The following LRMDA variants were observed in gnomAD, a reference collection of about 807,000 sequenced individuals.
The protein encoded by LRMDA is leucine rich melanocyte differentiation associated, also known as leucine-rich melanocyte differentiation-associated protein.
LRMDA carries 18 observed loss-of-function variants against 29.8 expected under a neutral mutation model. The observed-to-expected ratio is 0.60, with a 90% CI of 0.42 to 0.90. The LOEUF is 0.90. Ranked by LOEUF, LRMDA falls within the 40% of genes least tolerant of loss-of-function variation. The pLI is 0.00. For synonymous variants in LRMDA, 125 were observed against 109.4 expected, an observed-to-expected ratio of 1.14 and a Z score of -0.89; for missense variants, 273 against 273.9, an observed-to-expected ratio of 1.00 and a Z score of 0.02.
At chr10:75,645,157 A>G (rs1306656421) in intron 2 of LRMDA, among the ~76,000 whole-genome samples, 2 of 151,850 alleles carry the variant, frequency 1.3e-5, no homozygotes, top group African/African-American at 4.9e-5. Context: ...TAATTTTTGT[A>G]TCTTTAGTGG....
At chr10:75,735,575 A>C (rs961883486) in intron 2 of LRMDA, among the ~76,000 whole-genome samples, 1 of 152,200 alleles carries the variant, frequency 6.6e-6, no homozygotes, top group African/African-American at 2.4e-5. Context: ...CTACCTAGCC[A>C]TGCTGGAGGC....
chr10:75,799,229 T>C (rs1302534743), intron 2 of LRMDA, among the ~76,000 whole-genome samples: 2 of 152,236 alleles, frequency 1.3e-5, no homozygotes, highest in African/African-American at 4.8e-5. Context: ...GTGTCATCTG[T>C]TTTCAAACTT....
At chr10:75,529,440 G>T (rs1845451046) in intron 2 of LRMDA, among the ~76,000 whole-genome samples, 1 of 152,212 alleles carries the variant, frequency 6.6e-6, no homozygotes, top group Non-Finnish European at 1.5e-5. Flanking sequence ...ACCATCTTAG[G>T]TAACTACTGG....
At chr10:76,401,225 A>T (rs1213043728) in intron 6 of LRMDA, among the ~76,000 whole-genome samples, 4 of 152,252 alleles carry the variant, frequency 2.6e-5, no homozygotes, top group Admixed American at 1.3e-4. Flanking sequence ...CCAGTGACTC[A>T]ATGGATGGTA....
chr10:76,512,509 C>T (rs754754923), intron 6 of LRMDA, among the ~76,000 whole-genome samples: 1 of 152,130 alleles, frequency 6.6e-6, no homozygotes, highest in African/African-American at 2.4e-5. Flanking sequence ...GATGATGAGG[C>T]AACAGAATAT....
At chr10:76,060,915 A>G (rs1848692372) in intron 5 of LRMDA, among the ~76,000 whole-genome samples, 1 of 152,236 alleles carries the variant, frequency 6.6e-6, no homozygotes, top group Non-Finnish European at 1.5e-5. Context: ...AGCTTTAAAA[A>G]GCCTGTTAAG....
At chr10:76,551,710 T>C (rs1843497516) in intron 6 of LRMDA, among the ~76,000 whole-genome samples, 1 of 152,110 alleles carries the variant, frequency 6.6e-6, no homozygotes, top group Non-Finnish European at 1.5e-5. Context: ...TGTTAGAAAT[T>C]GGGGAGGAGG....
chr10:76,501,795 C>T (rs1399460542), intron 6 of LRMDA, among the ~76,000 whole-genome samples: 1 of 151,772 alleles, frequency 6.6e-6, no homozygotes, highest in Admixed American at 6.6e-5. Flanking sequence ...ATATCTGCTC[C>T]CATTCTTTAG....
rs189372603 is a variant in LRMDA at position 76,276,606 on chromosome 10, G to A, written c.517-47795G>A. Among the ~76,000 whole-genome samples, 467 of 152,088 alleles carry A rather than the reference G, an allele frequency of 3.1e-3. 2 individuals are homozygous for A. Among genetic ancestry groups the A allele is most frequent in the Non-Finnish European group, 4.1e-3 (277 of 67,998 alleles). ...GCAGCTATAATAGGTGCTTTGATGTGTTTATTTGCTAATTCCAACATCTGA... is the reference window on the plus strand; with the variant it reads ...GCAGCTATAATAGGTGCTTTGATGTATTTATTTGCTAATTCCAACATCTGA... On this transcript the variant is annotated intron_variant, in intron 5 of 6. Coordinates refer to ENST00000611255, the MANE Select transcript of LRMDA (RefSeq NM_001305581.2).
At chr10:75,487,127 G>C (rs1844925156) in intron 2 of LRMDA, among the ~76,000 whole-genome samples, 1 of 152,196 alleles carries the variant, frequency 6.6e-6, no homozygotes, top group Non-Finnish European at 1.5e-5. Context: ...TGGTTGGTAG[G>C]AAGTGAAGGT....
chr10:75,733,441 G>A (rs1278582621), intron 2 of LRMDA, among the ~76,000 whole-genome samples: 1 of 152,210 alleles, frequency 6.6e-6, no homozygotes, highest in Non-Finnish European at 1.5e-5. Context: ...TCTGCAAAAG[G>A]TAAACTGTTC....
chr10:76,020,181 G>A (rs1229212418), intron 2 of LRMDA, among the ~76,000 whole-genome samples: 4 of 152,196 alleles, frequency 2.6e-5, no homozygotes, highest in South Asian at 2.1e-4. Context: ...GATGTGGGTC[G>A]CCTACCCTGC....
Position 75,884,899 on chromosome 10 carries a change from T to C in LRMDA, c.132-151109T>C, listed in dbSNP as rs373346603. Among the ~76,000 whole-genome samples, 298 of 151,144 alleles carry C rather than the reference T, an allele frequency of 2.0e-3. 3 individuals are homozygous for C. Among genetic ancestry groups the C allele is most frequent in the Middle Eastern group, 0.017 (5 of 292 alleles). ...GGCAGGCCCAACGAAAAATCCAGTTTAGGAGGTCCGGGGAGGATAGCAGTT... is the reference window on the plus strand; with the variant it reads ...GGCAGGCCCAACGAAAAATCCAGTTCAGGAGGTCCGGGGAGGATAGCAGTT... On this transcript the variant is annotated intron_variant, in intron 2 of 6. Coordinates refer to ENST00000611255, the MANE Select transcript of LRMDA (RefSeq NM_001305581.2).
At chr10:76,148,203 C>A (rs1376618141) in intron 5 of LRMDA, among the ~76,000 whole-genome samples, 1 of 152,196 alleles carries the variant, frequency 6.6e-6, no homozygotes, top group African/African-American at 2.4e-5. Flanking sequence ...CCACTACTCT[C>A]TTCAAAGCTG....
At chr10:75,443,683 C>T (rs1844356910) in intron 2 of LRMDA, among the ~76,000 whole-genome samples, 1 of 152,106 alleles carries the variant, frequency 6.6e-6, no homozygotes, top group Non-Finnish European at 1.5e-5. Context: ...GCTTTGGTAT[C>T]AGGACAATGT....
rs1403793576 is a variant in LRMDA, at chr10:76,245,407, C to T, written c.517-78994C>T. 2.0e-5 allele frequency among the ~76,000 whole-genome samples: 3 copies of T among 152,242 alleles called. No individual in the cohort carries two copies. In the East Asian group the frequency reaches 5.8e-4, roughly 29 times the overall value. ...AAGGTAGTGGTGTTTGTTTTTGGGA[C>T]ATTAGCCCTCTTCCCATTGTCTGTT... On this transcript the variant is annotated intron_variant, in intron 5 of 6. Coordinates refer to ENST00000611255, the MANE Select transcript of LRMDA (RefSeq NM_001305581.2).
chr10:76,026,253 G>A (rs886446297), intron 2 of LRMDA, among the ~76,000 whole-genome samples: 8 of 152,192 alleles, frequency 5.3e-5, no homozygotes, highest in African/African-American at 1.9e-4. Flanking sequence ...ATGTGGCGAT[G>A]GTGAATTTCC....
At chr10:75,703,175 A>G (rs1483079328) in intron 2 of LRMDA, among the ~76,000 whole-genome samples, 3 of 151,758 alleles carry the variant, frequency 2.0e-5, no homozygotes, top group African/African-American at 4.9e-5. Context: ...AAAGCAAAAT[A>G]TACTGCAGTT....
chr10:75,925,516 G>A (rs1021323325), intron 2 of LRMDA, among the ~76,000 whole-genome samples: 1 of 104,652 alleles, frequency 9.6e-6, no homozygotes, highest in Admixed American at 1.0e-4. Flanking sequence ...AACTGCATAT[G>A]GCCCCAATAT....
Sources: gnomAD v4.1 joint callset for allele counts (sites outside exome capture counted in the v4.1 genomes callset) on GRCh38, gnomAD v4.1.1 for gene constraint, MANE v1.5 for transcripts, NCBI Gene and HGNC (gene_info 2026-07-23, HGNC 2026-07-21) for gene names.